The following EYS variants were observed in gnomAD, a reference collection of about 807,000 sequenced individuals.
EYS encodes the protein protein eyes shut homolog.
EYS carries 250 observed loss-of-function variants against 282.1 expected under a neutral mutation model. That is an observed-to-expected ratio of 0.89 (90% confidence interval 0.80 to 0.98). The LOEUF (loss-of-function observed/expected upper bound fraction) is 0.98. Among genes scored for constraint, EYS ranks in the 50% least tolerant of loss-of-function variants. EYS has a pLI of 0.00. For missense variants in EYS, 4,016 were observed against 3,709.0 expected (o/e 1.08, Z -2.15); for synonymous variants, 1,355 against 1,282.9 (o/e 1.06, Z -1.20).
At chr6:65,378,922 A>C (rs1765503678) in intron 8 of EYS, among the ~76,000 whole-genome samples, 2 of 152,048 alleles carry the variant, frequency 1.3e-5, no homozygotes, top group African/African-American at 4.8e-5. Context: ...ATTAGGAGAA[A>C]TATATAATGT....
intron 19 of EYS, among the ~76,000 whole-genome samples, chr6:64,845,945 G>A (rs1041555655): frequency 1.3e-5 from 2 of 151,956 alleles, no homozygotes; most frequent in African/African-American, 4.8e-5. Context: ...ACTGGCATAG[G>A]TCCAGACCAG....
intron 5 of EYS, among the ~76,000 whole-genome samples, chr6:65,432,817 A>C (rs1178296897): frequency 6.6e-6 from 1 of 152,170 alleles, no homozygotes; most frequent in Non-Finnish European, 1.5e-5. Context: ...GAAATGGGTG[A>C]GAAGTGGTCA....
intron 22 of EYS, among the ~76,000 whole-genome samples, chr6:64,658,146 C>T (rs1211411697): frequency 4.6e-5 from 7 of 152,168 alleles, no homozygotes; most frequent in South Asian, 4.1e-4. Context: ...GTTAACAAAT[C>T]GGCTACTGAG....
At chr6:64,962,683 G>A (rs1056347786) in intron 14 of EYS, among the ~76,000 whole-genome samples, 1 of 152,068 alleles carries the variant, frequency 6.6e-6, no homozygotes, top group Non-Finnish European at 1.5e-5. Context: ...AGGAGTTTGA[G>A]GCTGCAATGA....
rs1561993759 is a variant in EYS, at chr6:63,721,139, G to A, written c.8892C>T (p.Tyr2964=). The A allele has an allele frequency of 6.4e-7, 1 of 1,551,446 alleles. No homozygotes were observed. The highest frequency in any genetic ancestry group is 8.7e-7 in the Non-Finnish European group (1 of 1,146,774). ...TATAATTTGGATCAATGTATTTAAT[G>A]TAAGAATTACCCATAAATTTTGCAG... ...FSTAKFMGNS[Y]IKYIDPNYRM... is the part of the protein sequence containing the mutation. The change falls in exon 43 of 43, where the codon TAC becomes TAT. Residue 2964 remains tyrosine (Y), a synonymous_variant. Coordinates refer to ENST00000503581, the MANE Select transcript of EYS (RefSeq NM_001142800.2).
At chr6:65,268,783 A>T (rs1448632070) in intron 12 of EYS, among the ~76,000 whole-genome samples, 1 of 145,964 alleles carries the variant, frequency 6.9e-6, no homozygotes, top group Non-Finnish European at 1.5e-5. Context: ...TTTTTGTAAC[A>T]TAACGTGGTA....
At chr6:64,366,479 T>G (rs935265790) in intron 29 of EYS, among the ~76,000 whole-genome samples, 10 of 152,080 alleles carry the variant, frequency 6.6e-5, no homozygotes, top group Admixed American at 6.6e-4. Context: ...TTTAACCCAC[T>G]AACATTTAAA....
intron 35 of EYS, among the ~76,000 whole-genome samples, chr6:63,921,640 C>T (rs1157017394): frequency 6.6e-6 from 1 of 152,136 alleles, no homozygotes; most frequent in African/African-American, 2.4e-5. Flanking sequence ...TGGATAAAAT[C>T]ATAATAGTAA....
chr6:64,036,352 C>T (rs558842646), intron 33 of EYS, among the ~76,000 whole-genome samples: 6 of 151,994 alleles, frequency 3.9e-5, no homozygotes, highest in South Asian at 4.2e-4. Flanking sequence ...AATAATCATA[C>T]AAATAATTTT....
chr6:65,660,700 CAT>C (rs1236264231), intron 1 of EYS, among the ~76,000 whole-genome samples: 3 of 151,760 alleles, frequency 2.0e-5, no homozygotes, highest in African/African-American at 4.8e-5. Flanking sequence ...AAATAACAGA[CAT>C]ATGCAATGCT....
At chr6:64,425,335 G>C (rs925966495) in intron 28 of EYS, among the ~76,000 whole-genome samples, 1 of 152,148 alleles carries the variant, frequency 6.6e-6, no homozygotes, top group African/African-American at 2.4e-5. Context: ...GCAGGCAAGA[G>C]AGAACTGCCA....
intron 12 of EYS, among the ~76,000 whole-genome samples, chr6:65,292,701 A>G (rs1038238838): frequency 6.6e-6 from 1 of 151,816 alleles, no homozygotes; most frequent in African/African-American, 2.4e-5. Flanking sequence ...AGTGGGAGCT[A>G]GGTTCCAGCT....
intron 31 of EYS, among the ~76,000 whole-genome samples, chr6:64,088,878 T>G (rs144667920): frequency 0.011 from 1,664 of 152,086 alleles, 25 homozygotes; most frequent in African/African-American, 0.038. Flanking sequence ...GGCCTTCTAT[T>G]AGCTAACCTC....
intron 10 of EYS, among the ~76,000 whole-genome samples, chr6:65,335,371 G>A (rs182051647): frequency 6.6e-5 from 10 of 151,806 alleles, no homozygotes; most frequent in South Asian, 4.1e-4. Flanking sequence ...GCTAAACTCC[G>A]TAATAGGAGC....
Position 63,843,283 on chromosome 6 carries a change from G to A in EYS, c.7228+20903C>T, listed in dbSNP as rs896468067. 3.3e-5 allele frequency among the ~76,000 whole-genome samples: 5 copies of A among 152,008 alleles called. No homozygotes were observed. In the East Asian group the frequency reaches 9.7e-4, roughly 29 times the overall value. Reference sequence around the variant, plus strand: ...TTTGTTTGTGTCCTCTTATTTCCTTGAGCAGTAGTTTGTAGTTCTTTTTGA... The same window carrying A: ...TTTGTTTGTGTCCTCTTATTTCCTTAAGCAGTAGTTTGTAGTTCTTTTTGA... On this transcript the variant is annotated intron_variant, in intron 36 of 42. Coordinates refer to ENST00000503581, the MANE Select transcript of EYS (RefSeq NM_001142800.2).
At chr6:65,533,977 T>A (rs1427049014) in intron 2 of EYS, among the ~76,000 whole-genome samples, 2 of 152,104 alleles carry the variant, frequency 1.3e-5, no homozygotes, top group Non-Finnish European at 2.9e-5. Context: ...ACCCTAATTT[T>A]TTTTTTTGTC....
intron 35 of EYS, among the ~76,000 whole-genome samples, chr6:63,925,699 A>C (rs1312860055): frequency 6.6e-6 from 1 of 152,208 alleles, no homozygotes; most frequent in Admixed American, 6.5e-5. Context: ...GCTGGAGTGC[A>C]GTGGCACGAT....
At chr6:64,394,096 G>A (rs1015448210) in intron 28 of EYS, among the ~76,000 whole-genome samples, 4 of 152,088 alleles carry the variant, frequency 2.6e-5, no homozygotes, top group Non-Finnish European at 5.9e-5. Flanking sequence ...ACCTCTTCAA[G>A]GAGAACTACA....
intron 14 of EYS, among the ~76,000 whole-genome samples, chr6:64,950,584 A>G (rs1329309269): frequency 2.0e-5 from 3 of 151,358 alleles, no homozygotes; most frequent in Non-Finnish European, 4.4e-5. Context: ...CTTTTAGAGA[A>G]AGAAAAATGG....
Sources: gnomAD v4.1 joint callset for allele counts (sites outside exome capture counted in the v4.1 genomes callset) on GRCh38, gnomAD v4.1.1 for gene constraint, MANE v1.5 for transcripts, NCBI Gene and HGNC (gene_info 2026-07-23, HGNC 2026-07-21) for gene names.